ACP3: variants seen among roughly 807,000 people sequenced by gnomAD.
ACP3 encodes prostatic acid phosphatase.
ACP3 carries 38 observed loss-of-function variants against 45.6 expected under a neutral mutation model. That is an observed-to-expected ratio of 0.83 (90% CI 0.64 to 1.09). The LOEUF (loss-of-function observed/expected upper bound fraction) is 1.09. Ranked by LOEUF, ACP3 falls within the 50% of genes least tolerant of loss-of-function variation. The probability of loss-of-function intolerance (pLI) is 0.00; values close to 1 mark genes in which losing one functional copy is unlikely to be tolerated. For missense variants in ACP3, 466 were observed against 463.2 expected (o/e 1.01, Z -0.05); for synonymous variants, 162 against 164.7 (o/e 0.98, Z 0.13).
intron 4 of ACP3, 154 bp downstream of exon 4, chr3:132,332,498 T>A: frequency 1.1e-6 from 1 of 913,746 alleles, no homozygotes; most frequent in Non-Finnish European, 1.6e-6. Context: ...ATTTAGGACA[T>A]GGAAAACCCT....
chr3:132,334,451 G>T (rs1446148645), intron 4 of ACP3, among the ~76,000 whole-genome samples: 1 of 152,208 alleles, frequency 6.6e-6, no homozygotes, highest in Non-Finnish European at 1.5e-5. Flanking sequence ...AAGCAAATTA[G>T]CATGTGTGAA....
At chr3:132,322,148 A>C (rs1490833755) in intron 1 of ACP3, among the ~76,000 whole-genome samples, 3 of 152,202 alleles carry the variant, frequency 2.0e-5, no homozygotes, top group Non-Finnish European at 2.9e-5. Flanking sequence ...GGTCTAACCA[A>C]CTGAAAACCC....
At chr3:132,342,678 A>G in intron 6 of ACP3, 34 bp downstream of exon 6, 1 of 1,285,838 alleles carries the variant, frequency 7.8e-7, no homozygotes, top group Non-Finnish European at 1.1e-6. Flanking sequence ...TTAACTTGCA[A>G]TCTGATTTTA....
chr3:132,340,805 T>G (rs1456566792), intron 5 of ACP3, among the ~76,000 whole-genome samples: 2 of 152,200 alleles, frequency 1.3e-5, no homozygotes, highest in South Asian at 2.1e-4. Flanking sequence ...CTTTAATATC[T>G]AAAGGGCTAG....
chr3:132,321,908 T>G (rs944209442), intron 1 of ACP3, among the ~76,000 whole-genome samples: 1 of 152,334 alleles, frequency 6.6e-6, no homozygotes, highest in South Asian at 2.1e-4. Flanking sequence ...AATATAATAA[T>G]AAATCCCACA....
Position 132,331,693 on chromosome 3 carries a change from G to T in ACP3, c.263G>T (p.Arg88Ile). Residue 88 changes from arginine to isoleucine, a missense_variant, in exon 3 of 10, where the codon AGA (arginine) becomes ATA (isoleucine). Coordinates refer to ENST00000336375, the MANE Select transcript of ACP3 (RefSeq NM_001099.5). ...HYELGEYIRK[R>I]YRKFLNESYK... ...GAACTTGGAGAGTATATAAGAAAGA[G>T]ATATAGAAAATTCTTGAATGAGTCC... is the stretch of plus-strand genomic sequence containing the variant. 1 of 1,608,620 alleles carries T rather than the reference G, an allele frequency of 6.2e-7. No homozygotes were observed.
Position 132,328,371 on chromosome 3 carries a change from GA to G in ACP3, c.216+10del. The stretch of plus-strand genomic sequence containing the variant: ...TTGGCCAACTCACCCAGGTTGGTTG[GA>G]CTTTTAGCTAAAGATTGTTGATGAA... On this transcript the variant is annotated intron_variant, in intron 2 of 9. Transcript: ENST00000336375. 1 of 1,609,404 alleles carries G rather than the reference GA, an allele frequency of 6.2e-7. No individual in the cohort carries two copies.
chr3:132,336,121 G>T (rs1056917898), intron 4 of ACP3, among the ~76,000 whole-genome samples: 2 of 152,118 alleles, frequency 1.3e-5, no homozygotes, highest in African/African-American at 4.8e-5. Context: ...TTAGCCAGGC[G>T]TGGTGGCAGG....
intron 7 of ACP3, among the ~76,000 whole-genome samples, chr3:132,346,652 T>C (rs1937611980): frequency 6.6e-6 from 1 of 151,672 alleles, no homozygotes; most frequent in African/African-American, 2.4e-5. Context: ...ATGTAGAGGG[T>C]GCCTTGGAAG....
In ACP3 at chr3:132,356,959, C is replaced by T. The variant is rs1937919155; in HGVS notation, c.*81C>T. On this transcript the variant is annotated 3_prime_UTR_variant, in exon 10 of 10. Coordinates refer to ENST00000336375, the MANE Select transcript of ACP3 (RefSeq NM_001099.5). ...CTTTGAGAACATACTTTGGCCATTA[C>T]CCCCAGCTTTGAGGAAAATGGGCTT... 3 of 1,489,066 alleles carry T rather than the reference C, an allele frequency of 2.0e-6. No individual in the cohort carries two copies. The allele number at this position is 1,489,066 out of a possible 1,614,324, so 92.2% of individuals were successfully genotyped here. A position where few individuals can be genotyped will look rare whatever the true frequency, so the allele number is the denominator to read the frequency against.
chr3:132,338,341 G>A lies in ACP3; in HGVS notation c.555+787G>A, dbSNP rs569535630. ...ATATTTCTATATCTGTATGTAAAGA[G>A]TTTCCTCCTTTTCTTTCTTTTCCTT... On this transcript the variant is annotated intron_variant, in intron 5 of 9. Coordinates refer to ENST00000336375, the MANE Select transcript of ACP3 (RefSeq NM_001099.5). Among the ~76,000 whole-genome samples, 369 of 150,568 alleles carry A rather than the reference G, an allele frequency of 2.5e-3. 2 individuals carry two copies. The highest frequency in any genetic ancestry group is 8.7e-3 in the African/African-American group (355 of 41,014).
downstream of ACP3, among the ~76,000 whole-genome samples, chr3:132,359,940 C>T (rs1381232587): frequency 6.6e-6 from 1 of 152,150 alleles, no homozygotes; most frequent in African/African-American, 2.4e-5. Flanking sequence ...CTGGTTTGGG[C>T]TCATAGAAAG....
chr3:132,332,303 C>A lies in ACP3; in HGVS notation c.415C>A (p.Gln139Lys). 3.7e-6 allele frequency: 6 copies of A among 1,614,140 alleles called. No homozygotes were observed. Among genetic ancestry groups the A allele is most frequent in the Non-Finnish European group, 5.1e-6 (6 of 1,179,996 alleles). ...VSIWNPILLW[Q>K]PIPVHTVPLS... ...CATCTGGAATCCTATCCTACTCTGG[C>A]AGCCCATCCCGGTGCACACAGTTCC... The change falls in exon 4 of 10, where the codon CAG (glutamine) becomes AAG (lysine). Residue 139 changes from glutamine to lysine, a missense_variant. By Grantham distance (53) the Gln-to-Lys change is moderately conservative. Transcript: ENST00000336375.
chr3:132,353,203 G>T (rs927579643), intron 9 of ACP3, among the ~76,000 whole-genome samples: 12 of 152,124 alleles, frequency 7.9e-5, no homozygotes, highest in African/African-American at 2.9e-4. Flanking sequence ...AGCTTCTGAT[G>T]ATTCATATCC....
intron 2 of ACP3, among the ~76,000 whole-genome samples, chr3:132,329,231 G>C (rs572778497): frequency 6.6e-6 from 1 of 152,192 alleles, no homozygotes; most frequent in Admixed American, 6.5e-5. Context: ...AGAATCTTTA[G>C]AGTAGAATGT....
At chr3:132,364,657 T>C (rs1393194780) in intron 10 of ACP3, among the ~76,000 whole-genome samples, 1 of 152,230 alleles carries the variant, frequency 6.6e-6, no homozygotes, top group Non-Finnish European at 1.5e-5. Context: ...ATTACCTTTC[T>C]GGTTCTCCTG....
rs1462444390 is a variant in ACP3 at position 132,356,830 on chromosome 3, G to T, written c.1113G>T (p.Glu371Asp). 1.2e-6 allele frequency: 2 copies of T among 1,614,140 alleles called. No individual in the cohort carries two copies. Among genetic ancestry groups the T allele is most frequent in the Admixed American group, 1.7e-5 (1 of 60,020 alleles). ...TGATCCCTCAAGACTGGTCCACGGAGTGTATGACCACAAACAGCCATCAAG... is the reference window on the plus strand; with the variant it reads ...TGATCCCTCAAGACTGGTCCACGGATTGTATGACCACAAACAGCCATCAAG... ...GPVIPQDWST[E>D]CMTTNSHQGT... The change falls in exon 10 of 10, where the codon GAG (glutamate) becomes GAT (aspartate). Residue 371 changes from glutamate to aspartate, a missense_variant. Physicochemically the swap from Glu to Asp is conservative, Grantham distance 45. Transcript: ENST00000336375.
At chr3:132,320,352 C>T (rs1937183399) in intron 1 of ACP3, among the ~76,000 whole-genome samples, 3 of 152,186 alleles carry the variant, frequency 2.0e-5, no homozygotes, top group African/African-American at 7.2e-5. Context: ...CAAAGACTAT[C>T]ACCCATGCAA....
chr3:132,358,858 G>C, downstream of ACP3: 1 of 984,852 alleles, frequency 1.0e-6, no homozygotes, highest in Non-Finnish European at 1.2e-6. Context: ...TTTGTGTTTG[G>C]GGTTTTTGTT....
Sources: allele counts gnomAD v4.1 joint callset (sites outside exome capture counted in the v4.1 genomes callset), GRCh38; gene constraint gnomAD v4.1.1; transcripts MANE v1.5; gene names NCBI Gene and HGNC (gene_info 2026-07-23, HGNC 2026-07-21).